Variants in ZBTB8OS observed in about 807,000 individuals in gnomAD.
ZBTB8OS encodes tRNA splicing ligase complex subunit 1.
A neutral mutation model predicts 29.3 loss-of-function variants in ZBTB8OS; 16 were observed. The ratio of observed to expected loss-of-function variants is 0.55; its 90% CI spans 0.37 to 0.83. The LOEUF is 0.83. Ranked by LOEUF, ZBTB8OS falls within the 40% of genes least tolerant of loss-of-function variation. ZBTB8OS has a pLI of 0.00. For synonymous variants in ZBTB8OS, 70 were observed against 64.6 expected (o/e 1.08, Z -0.40); for missense variants, 160 against 196.9 (o/e 0.81, Z 1.12).
At chr1:32,638,636 G>T (rs1646173364) in intron 1 of ZBTB8OS, among the ~76,000 whole-genome samples, 1 of 152,126 alleles carries the variant, frequency 6.6e-6, no homozygotes, top group East Asian at 1.9e-4. Flanking sequence ...CAATAGGCTG[G>T]GTGTGGTGGC....
At chr1:32,650,307 G>A (rs1647265538) in intron 1 of ZBTB8OS, 126 bp downstream of exon 1, 4 of 1,292,156 alleles carry the variant, frequency 3.1e-6, no homozygotes, top group Admixed American at 2.3e-5. Context: ...TACAACAGCC[G>A]GCACAAATGG....
intron 1 of ZBTB8OS, among the ~76,000 whole-genome samples, chr1:32,645,395 A>AGGAGGCT (rs1213009419): frequency 6.6e-6 from 1 of 152,110 alleles, no homozygotes; most frequent in East Asian, 1.9e-4. Context: ...CCATCTACTC[A>AGGAGGCT]GGAGGCTGAG....
chr1:32,630,700 T>C (rs1193024511), intron 5 of ZBTB8OS, among the ~76,000 whole-genome samples: 1 of 151,652 alleles, frequency 6.6e-6, no homozygotes, highest in Non-Finnish European at 1.5e-5. Context: ...ACATAGTGAA[T>C]GAGAACCCAT....
rs1244647440 is a variant in ZBTB8OS at position 32,638,686 on chromosome 1, G to A, written c.98-3894C>T. ...TCAGCAGTTTGGGAGGCCAAGGTGG[G>A]TAGTTCACTTGAAATTAGGAGTTCG... On this transcript the variant is annotated intron_variant, in intron 1 of 6. Coordinates refer to ENST00000468695, the MANE Select transcript of ZBTB8OS (RefSeq NM_178547.5). Among the ~76,000 whole-genome samples the A allele has an allele frequency of 3.3e-5, 5 of 152,084 alleles. No homozygotes were observed. In the East Asian group the frequency reaches 9.7e-4, roughly 30 times the overall value.
chr1:32,645,128 G>A (rs551007953), intron 1 of ZBTB8OS, among the ~76,000 whole-genome samples: 5 of 151,050 alleles, frequency 3.3e-5, no homozygotes, highest in Non-Finnish European at 4.4e-5. Context: ...GCAGTGAGCC[G>A]AGATGGCGCC....
At chr1:32,638,917 A>C (rs1480700306) in intron 1 of ZBTB8OS, among the ~76,000 whole-genome samples, 1 of 152,152 alleles carries the variant, frequency 6.6e-6, no homozygotes, top group Non-Finnish European at 1.5e-5. Context: ...CCATCTAAAA[A>C]ATAATAATAA....
At chr1:32,641,264 AGT>A (rs1646378221) in intron 1 of ZBTB8OS, among the ~76,000 whole-genome samples, 1 of 132,306 alleles carries the variant, frequency 7.6e-6, no homozygotes, top group Admixed American at 8.0e-5. Flanking sequence ...CAATTACACA[AGT>A]TTTTTTTTTT....
intron 1 of ZBTB8OS, among the ~76,000 whole-genome samples, chr1:32,647,702 C>A (rs1391351774): frequency 6.6e-6 from 1 of 152,146 alleles, no homozygotes; most frequent in Non-Finnish European, 1.5e-5. Flanking sequence ...CTGTGTGCTC[C>A]TTATGAGAAT....
chr1:32,633,666 A>G lies in ZBTB8OS; in HGVS notation c.306T>C (p.Ala102=), dbSNP rs2148372994. 1.2e-6 allele frequency: 2 copies of G among 1,607,724 alleles called. No homozygotes were observed. Among genetic ancestry groups the G allele is most frequent in the Non-Finnish European group, 1.7e-6 (2 of 1,178,498 alleles). The change falls in exon 4 of 7, where the codon GCT becomes GCC. Residue 102 remains alanine, a synonymous_variant. Transcript: ENST00000468695. The part of the protein sequence containing the change: ...FLDEWLYKFS[A]DEFFIPREVK... ...TTACCCGGGGTATGAAGAATTCATC[A>G]GCACTGAACTTATAAAGCCATTCAT...
chr1:32,641,564 G>T (rs1646408813), intron 1 of ZBTB8OS, among the ~76,000 whole-genome samples: 1 of 147,290 alleles, frequency 6.8e-6, no homozygotes, highest in Admixed American at 6.8e-5. Flanking sequence ...GAGCCACCGC[G>T]CCCGGCCAAT....
chr1:32,636,895 A>G (rs1230285444), intron 1 of ZBTB8OS, among the ~76,000 whole-genome samples: 1 of 151,982 alleles, frequency 6.6e-6, no homozygotes, highest in Admixed American at 6.6e-5. Context: ...GTGAATATCC[A>G]TCTCTTACTA....
At chr1:32,635,637 A>C (rs937969185) in intron 1 of ZBTB8OS, among the ~76,000 whole-genome samples, 6 of 152,180 alleles carry the variant, frequency 3.9e-5, no homozygotes, top group African/African-American at 1.4e-4. Flanking sequence ...GCTGGAAGGA[A>C]TTCCTGGAGA....
chr1:32,628,910 C>A (rs10914589), intron 5 of ZBTB8OS, among the ~76,000 whole-genome samples: 5,870 of 152,232 alleles, frequency 0.039, 232 homozygotes, highest in East Asian at 0.12. Flanking sequence ...CACTCCCAGC[C>A]TGGGCAACAG....
chr1:32,621,968 A>T lies in ZBTB8OS; in HGVS notation c.418-20T>A. On this transcript the variant is annotated intron_variant, in intron 6 of 6. Transcript: ENST00000468695. ...TGTTCCCTAAAGTTGGGGTTAGAGA[A>T]AAAAAAAAAAAAAAGGAAAATAGGA... 2 of 968,870 alleles carry T rather than the reference A, an allele frequency of 2.1e-6. No individual in the cohort carries two copies. The highest frequency in any genetic ancestry group is 2.7e-6 in the Non-Finnish European group (2 of 731,152). 60.0% of individuals were successfully genotyped at this position (968,870 alleles called of 1,614,324 possible).
chr1:32,620,840 T>C lies in ZBTB8OS; in HGVS notation c.*1022A>G, dbSNP rs1644713994. 1 of 152,134 alleles carries C rather than the reference T, an allele frequency of 6.6e-6. No homozygotes were observed. Among genetic ancestry groups the C allele is most frequent in the Non-Finnish European group, 1.5e-5 (1 of 68,042 alleles). The allele number at this position is 152,134 out of a possible 1,614,324, so 9.4% of individuals were successfully genotyped here. On this transcript the variant is annotated 3_prime_UTR_variant, in exon 7 of 7. Transcript: ENST00000468695. Reference sequence around the variant, plus strand: ...AGAAATTTTTCAAAAATTCTCCTTTTATTCTCTAGTTATAAACATGTACTC... The same window carrying C: ...AGAAATTTTTCAAAAATTCTCCTTTCATTCTCTAGTTATAAACATGTACTC...
Position 32,621,613 on chromosome 1 carries a change from A to G in ZBTB8OS, c.*249T>C. Reference sequence around the variant, plus strand: ...TGAGGCACACCTACTGCCACAGCAGAGAATCAAAGGACCATAACTGTCCCT... The same window carrying G: ...TGAGGCACACCTACTGCCACAGCAGGGAATCAAAGGACCATAACTGTCCCT... On this transcript the variant is annotated 3_prime_UTR_variant, in exon 7 of 7. Coordinates refer to ENST00000468695, the MANE Select transcript of ZBTB8OS (RefSeq NM_178547.5). 1 of 434,700 alleles carries G rather than the reference A, an allele frequency of 2.3e-6. No homozygotes were observed. The allele number at this position is 434,700 out of a possible 1,614,324, so 26.9% of individuals were successfully genotyped here. A position where few individuals can be genotyped will look rare whatever the true frequency, so the allele number is the denominator to read the frequency against.
At chr1:32,642,490 C>T (rs560778055) in intron 1 of ZBTB8OS, among the ~76,000 whole-genome samples, 117 of 148,132 alleles carry the variant, frequency 7.9e-4, no homozygotes, top group African/African-American at 2.6e-3. Context: ...GGTGACAGAG[C>T]GAGACTCTGT....
At chr1:32,645,220 A>C (rs956872633) in intron 1 of ZBTB8OS, among the ~76,000 whole-genome samples, 1 of 151,836 alleles carries the variant, frequency 6.6e-6, no homozygotes, top group Non-Finnish European at 1.5e-5. Context: ...CCTTAGGGCT[A>C]GGTGCAGTAG....
At chr1:32,648,703 G>A (rs1179733474) in intron 1 of ZBTB8OS, among the ~76,000 whole-genome samples, 1 of 152,162 alleles carries the variant, frequency 6.6e-6, no homozygotes, top group Non-Finnish European at 1.5e-5. Flanking sequence ...CTGTCGCCCA[G>A]GCTGGAGTGC....
Sources: gnomAD v4.1 joint callset for allele counts (sites outside exome capture counted in the v4.1 genomes callset) on GRCh38, gnomAD v4.1.1 for gene constraint, MANE v1.5 for transcripts, NCBI Gene and HGNC (gene_info 2026-07-23, HGNC 2026-07-21) for gene names.